C4orf36: variants seen among roughly 807,000 people sequenced by gnomAD.
C4orf36 encodes chromosome 4 open reading frame 36.
Under a neutral mutation model 12.2 loss-of-function variants are expected in C4orf36, and 11 were observed. The observed-to-expected ratio is 0.90, with a 90% CI of 0.57 to 1.49. The LOEUF is 1.49. Ranked by LOEUF, C4orf36 falls within the 40% of genes most tolerant of loss-of-function variation. The pLI is 0.00. For missense variants in C4orf36, 137 were observed against 133.9 expected, an observed-to-expected ratio of 1.02 and a Z score of -0.11; for synonymous variants, 54 against 51.3, an observed-to-expected ratio of 1.05 and a Z score of -0.22.
the C4orf36 span, among the ~76,000 whole-genome samples, chr4:86,919,119 GGA>G: frequency 9.4e-3 from 1,372 of 145,316 alleles, 25 homozygotes; most frequent in African/African-American, 0.032. Flanking sequence ...CCCAGCTCCA[GGA>G]GAGAGAGAGA....
the C4orf36 span, chr4:86,913,466 G>T: frequency 1.3e-6 from 1 of 768,124 alleles, no homozygotes; most frequent in Non-Finnish European, 2.4e-6. Flanking sequence ...AAGCATTCAT[G>T]ACAGACATGT....
At chr4:86,899,145 TG>T in the C4orf36 span, among the ~76,000 whole-genome samples, 1 of 152,174 alleles carries the variant, frequency 6.6e-6, no homozygotes, top group African/African-American at 2.4e-5. Context: ...ATGATAAATC[TG>T]TCTGAGGATT....
At chr4:86,888,013 T>C in intron 3 of C4orf36, 108 bp downstream of exon 3, 1 of 1,540,148 alleles carries the variant, frequency 6.5e-7, no homozygotes, top group Non-Finnish European at 8.8e-7. Flanking sequence ...ATGACAGAGC[T>C]ACAAAGATAG....
chr4:86,898,688 A>C, the C4orf36 span, among the ~76,000 whole-genome samples: 1 of 152,096 alleles, frequency 6.6e-6, no homozygotes, highest in African/African-American at 2.4e-5. Flanking sequence ...GAACACCTAT[A>C]ATCCCCACTA....
At chr4:86,897,346 G>C (rs552245315), upstream of C4orf36, among the ~76,000 whole-genome samples, 1 of 152,270 alleles carries the variant, frequency 6.6e-6, no homozygotes, top group South Asian at 2.1e-4. Flanking sequence ...GGGTGAATGA[G>C]TGAGACTCTG....
chr4:86,914,450 G>C, the C4orf36 span: 1 of 611,456 alleles, frequency 1.6e-6, no homozygotes, highest in East Asian at 3.4e-5. Context: ...GCCCAGGCTG[G>C]AGTGCAGTGG....
At chr4:86,881,177 A>G (rs1196562904) in intron 4 of C4orf36, among the ~76,000 whole-genome samples, 1 of 152,198 alleles carries the variant, frequency 6.6e-6, no homozygotes, top group Non-Finnish European at 1.5e-5. Flanking sequence ...AATTATGTTA[A>G]TGAATACACA....
intron 4 of C4orf36, among the ~76,000 whole-genome samples, chr4:86,882,672 A>G (rs935469075): frequency 6.6e-6 from 1 of 152,136 alleles, no homozygotes; most frequent in Non-Finnish European, 1.5e-5. Flanking sequence ...CTGCTCATGA[A>G]CTGTGTCTGT....
chr4:86,887,161 T>C (rs992850814), intron 4 of C4orf36: 12 of 152,064 alleles, frequency 7.9e-5, no homozygotes, highest in African/African-American at 2.9e-4. Flanking sequence ...ATACCTAATG[T>C]AAATGATGAG....
At position 86,884,298 on chromosome 4, in the gene C4orf36, A is replaced by ACTTTTTTTTTTTTTTTTT. The variant is rs1560471171; in HGVS notation, c.*2+3459_*2+3460insAAAAAAAAAAAAAAAAAG. On this transcript the variant is annotated intron_variant, in intron 4 of 4. Transcript: ENST00000295898. Reference sequence around the variant, plus strand: ...AAATTAGGCAGAAGGAAAAAGACTGAATTTTTTTTTTTTTTTTTTTTTTTG... The same window carrying ACTTTTTTTTTTTTTTTTT: ...AAATTAGGCAGAAGGAAAAAGACTGACTTTTTTTTTTTTTTTTTATTTTTTTTTTTTTTTTTTTTTTTG... Among the ~76,000 whole-genome samples, 2 of 125,250 alleles carry ACTTTTTTTTTTTTTTTTT rather than the reference A, an allele frequency of 1.6e-5. 1 individual carries two copies. The allele number at this position is 125,250 out of a possible 152,430, so 82.2% of individuals were successfully genotyped here. A position where few individuals can be genotyped will look rare whatever the true frequency, so the allele number is the denominator to read the frequency against.
chr4:86,929,005 G>A, the C4orf36 span, among the ~76,000 whole-genome samples: 76 of 152,032 alleles, frequency 5.0e-4, no homozygotes, highest in Admixed American at 1.0e-3. Context: ...GTGTTTGTTG[G>A]ATGTCCCTGT....
rs777058556 is a variant in C4orf36 at position 86,891,569 on chromosome 4, TCA to T, written c.-51_-50del. 1.9e-6 allele frequency: 3 copies of T among 1,613,596 alleles called. No individual in the cohort carries two copies. Among genetic ancestry groups the T allele is most frequent in the African/African-American group, 1.3e-5 (1 of 74,916 alleles). On this transcript the variant is annotated 5_prime_UTR_variant, in exon 2 of 5. Transcript: ENST00000295898. ...CGTTACATAGGTGCCTGATGGAATGTCACAGATAACTCTGTTCACTTTACCTG... is the reference window on the plus strand; with the variant it reads ...CGTTACATAGGTGCCTGATGGAATGTCAGATAACTCTGTTCACTTTACCTG...
intron 4 of C4orf36, among the ~76,000 whole-genome samples, chr4:86,880,242 G>T (rs1369223803): frequency 1.3e-5 from 2 of 152,146 alleles, no homozygotes; most frequent in African/African-American, 2.4e-5. Flanking sequence ...GGAGGCCAAG[G>T]TGAACAGATC....
chr4:86,913,825 CT>C, the C4orf36 span: 35,621 of 602,574 alleles, frequency 0.059, no homozygotes, highest in East Asian at 0.085. Context: ...TTTTCATCCA[CT>C]TTTTTTTTTT....
intron 4 of C4orf36, chr4:86,876,649 G>A (rs1456324428): frequency 4.4e-5 from 71 of 1,613,084 alleles, no homozygotes; most frequent in Non-Finnish European, 5.7e-5. Flanking sequence ...GGATGGTCAT[G>A]GTATTTACAT....
chr4:86,914,296 G>C, the C4orf36 span: 1 of 1,600,788 alleles, frequency 6.2e-7, no homozygotes, highest in Non-Finnish European at 8.6e-7. Flanking sequence ...GTGACGATGC[G>C]GTCGCTCTTG....
At chr4:86,898,220 C>T in the C4orf36 span, among the ~76,000 whole-genome samples, 1 of 151,884 alleles carries the variant, frequency 6.6e-6, no homozygotes, top group South Asian at 2.1e-4. Flanking sequence ...GGTGAAACCC[C>T]GTCTCTACTA....
chr4:86,894,269 G>C (rs1236273898), upstream of C4orf36, among the ~76,000 whole-genome samples: 1 of 152,180 alleles, frequency 6.6e-6, no homozygotes, highest in Non-Finnish European at 1.5e-5. Flanking sequence ...ACAGATAAGT[G>C]TAAGAAGGTA....
At chr4:86,924,068 T>C in the C4orf36 span, among the ~76,000 whole-genome samples, 2 of 152,304 alleles carry the variant, frequency 1.3e-5, no homozygotes, top group East Asian at 3.9e-4. Flanking sequence ...TGAGACAGGG[T>C]CTCACTCTGT....
Sources: gnomAD v4.1 joint callset for allele counts (sites outside exome capture counted in the v4.1 genomes callset) on GRCh38, gnomAD v4.1.1 for gene constraint, MANE v1.5 for transcripts, NCBI Gene and HGNC (gene_info 2026-07-23, HGNC 2026-07-21) for gene names.